Variants in NLGN4Y observed in about 807,000 individuals in gnomAD.
NLGN4Y encodes the protein neuroligin-4, Y-linked.
In NLGN4Y, 4 loss-of-function variants were observed where a neutral mutation model predicts 8.4. The ratio of observed to expected loss-of-function variants is 0.48; its 90% CI spans 0.23 to 1.09. The LOEUF (loss-of-function observed/expected upper bound fraction) is 1.09. Among genes scored for constraint, NLGN4Y ranks in the 50% least tolerant of loss-of-function variants. The pLI is 0.19. For synonymous variants in NLGN4Y, 35 were observed against 75.6 expected (o/e 0.46, Z 2.78); for missense variants, 90 against 192.3 (o/e 0.47, Z 3.15).
At chrY:14,800,890 C>T in intron 4 of NLGN4Y, among the ~76,000 whole-genome samples, 2 of 31,425 alleles carry the variant, frequency 6.4e-5, no homozygotes, top group Non-Finnish European at 1.5e-4. Flanking sequence ...TAATCAGCTA[C>T]AAGGGACAAT....
chrY:14,756,602 G>T, intron 4 of NLGN4Y, among the ~76,000 whole-genome samples: 3 of 26,659 alleles, frequency 1.1e-4, no homozygotes. Flanking sequence ...ACAAAAATTA[G>T]CCAGGTGTGA....
chrY:14,565,328 G>A (rs2080247578), intron 1 of NLGN4Y, among the ~76,000 whole-genome samples: 2 of 31,361 alleles, frequency 6.4e-5, no homozygotes, highest in Non-Finnish European at 7.6e-5. Flanking sequence ...GAACATAAAC[G>A]ACATGATGGA....
intron 1 of NLGN4Y, among the ~76,000 whole-genome samples, chrY:14,553,994 C>G: frequency 3.2e-5 from 1 of 31,303 alleles, no homozygotes; most frequent in Non-Finnish European, 7.6e-5. Context: ...TCATTTTCCT[C>G]ATGATGGTGT....
intron 2 of NLGN4Y, among the ~76,000 whole-genome samples, chrY:14,664,078 A>G (rs538075489): frequency 2.4e-4 from 8 of 32,734 alleles, no homozygotes; most frequent in African/African-American, 8.3e-4. Context: ...CTTGTTTGCC[A>G]TGTCTGCTTT....
intron 2 of NLGN4Y, among the ~76,000 whole-genome samples, chrY:14,709,471 G>T: frequency 3.0e-5 from 1 of 33,576 alleles, no homozygotes; most frequent in African/African-American, 1.2e-4. Context: ...CTAGCACTTT[G>T]GGAGGCCAAG....
chrY:14,597,234 C>T, intron 1 of NLGN4Y, among the ~76,000 whole-genome samples: 1 of 32,774 alleles, frequency 3.1e-5, no homozygotes, highest in African/African-American at 1.2e-4. Flanking sequence ...ATCTTCTTCA[C>T]GGTGAGTGTT....
At chrY:14,710,295 T>A (rs2080895638) in intron 2 of NLGN4Y, among the ~76,000 whole-genome samples, 7 of 33,479 alleles carry the variant, frequency 2.1e-4, no homozygotes, top group African/African-American at 8.2e-4. Context: ...GCAGAATCAC[T>A]TGAGGCCAAG....
intron 1 of NLGN4Y, among the ~76,000 whole-genome samples, chrY:14,539,347 T>A: frequency 6.0e-5 from 2 of 33,305 alleles, no homozygotes. Flanking sequence ...TAGGTTTTAA[T>A]TCAACACTAC....
chrY:14,655,519 T>C (rs1218742209), intron 2 of NLGN4Y, among the ~76,000 whole-genome samples: 2 of 32,730 alleles, frequency 6.1e-5, no homozygotes, highest in African/African-American at 2.4e-4. Context: ...TTTGTAGGTA[T>C]CTTTCCATTT....
chrY:14,791,792 A>C, intron 4 of NLGN4Y, among the ~76,000 whole-genome samples: 1 of 32,792 alleles, frequency 3.0e-5, no homozygotes, highest in East Asian at 8.0e-4. Context: ...ATTGTTACCC[A>C]AACCTGAACA....
chrY:14,738,657 G>A (rs1411392015), intron 4 of NLGN4Y, among the ~76,000 whole-genome samples: 5 of 32,171 alleles, frequency 1.6e-4, no homozygotes, highest in African/African-American at 2.4e-4. Flanking sequence ...ACTCATATCC[G>A]CAGGGCTATG....
chrY:14,575,722 A>T (rs2080295670), intron 1 of NLGN4Y, among the ~76,000 whole-genome samples: 1 of 32,854 alleles, frequency 3.0e-5, no homozygotes, highest in Non-Finnish European at 7.5e-5. Context: ...TTGTGGTTTT[A>T]TCTACCTTCG....
intron 4 of NLGN4Y, among the ~76,000 whole-genome samples, chrY:14,823,443 T>A (rs2150592610): frequency 3.0e-5 from 1 of 33,555 alleles, no homozygotes; most frequent in Admixed American, 2.7e-4. Flanking sequence ...GTTCCTTACA[T>A]ACAATTTCTT....
At chrY:14,837,853 C>A (rs2043202678) in intron 6 of NLGN4Y, among the ~76,000 whole-genome samples, 1 of 32,891 alleles carries the variant, frequency 3.0e-5, no homozygotes, top group African/African-American at 1.2e-4. Context: ...TTCGAATATA[C>A]CCTGAATCCT....
At chrY:14,567,938 A>G (rs2080258011) in intron 1 of NLGN4Y, among the ~76,000 whole-genome samples, 2 of 32,435 alleles carry the variant, frequency 6.2e-5, no homozygotes, top group Non-Finnish European at 1.5e-4. Flanking sequence ...ATCCCCAGTA[A>G]CAATCTGTTG....
chrY:14,745,940 C>T, intron 4 of NLGN4Y, among the ~76,000 whole-genome samples: 1 of 33,201 alleles, frequency 3.0e-5, no homozygotes, highest in Non-Finnish European at 7.4e-5. Context: ...CTTAACCATA[C>T]ATTCAGTCTG....
chrY:14,805,951 G>A, intron 4 of NLGN4Y, among the ~76,000 whole-genome samples: 1 of 33,621 alleles, frequency 3.0e-5, no homozygotes, highest in African/African-American at 1.2e-4. Context: ...TGACTAACAC[G>A]GTGAAACCCC....
chrY:14,612,963 T>A (rs1026140849), intron 1 of NLGN4Y, among the ~76,000 whole-genome samples: 1 of 33,517 alleles, frequency 3.0e-5, no homozygotes, highest in Non-Finnish European at 7.4e-5. Flanking sequence ...TAACTGGTGC[T>A]GCTGCCTTTC....
chrY:14,606,689 G>A, intron 1 of NLGN4Y, among the ~76,000 whole-genome samples: 1 of 31,191 alleles, frequency 3.2e-5, no homozygotes, highest in African/African-American at 1.3e-4. Context: ...TCCCTGCAGA[G>A]GATGATTTAA....
Sources: allele counts gnomAD v4.1 joint callset (sites outside exome capture counted in the v4.1 genomes callset), GRCh38; gene constraint gnomAD v4.1.1; transcripts MANE v1.5; gene names NCBI Gene and HGNC (gene_info 2026-07-23, HGNC 2026-07-21).